Variants in DOCK3 observed in about 807,000 individuals in gnomAD.
DOCK3 encodes the protein dedicator of cytokinesis protein 3.
A neutral mutation model predicts 265.6 loss-of-function variants in DOCK3; 60 were observed. The observed-to-expected ratio is 0.23, with a 90% CI of 0.18 to 0.28. The LOEUF is 0.28. Ranked by LOEUF, DOCK3 falls within the 10% of genes least tolerant of loss-of-function variation. The pLI, the probability that DOCK3 is intolerant of heterozygous loss-of-function variation, is 1.00. For synonymous variants in DOCK3, 881 were observed against 938.0 expected (o/e 0.94, Z 1.11); for missense variants, 1,981 against 2,594.3 (o/e 0.76, Z 5.14).
chr3:51,110,642 C>T (rs564802916), intron 9 of DOCK3, among the ~76,000 whole-genome samples: 2 of 152,314 alleles, frequency 1.3e-5, no homozygotes, highest in South Asian at 2.1e-4. Context: ...AACATTTCTT[C>T]ATGTTAAAAA....
At position 50,873,491 on chromosome 3, in the gene DOCK3, A is replaced by G. The variant is rs9849728; in HGVS notation, c.163-16535A>G. Among the ~76,000 whole-genome samples the G allele has an allele frequency of 3.5e-3, 526 of 152,236 alleles. 4 individuals are homozygous for G. Among genetic ancestry groups the G allele is most frequent in the African/African-American group, 0.012 (507 of 41,536 alleles). ...AAGGAAGGGGTCTGTTGGAGCTGCA[A>G]GCTGTACAGCCTGGGGTTAAGGGAG... On this transcript the variant is annotated intron_variant, in intron 3 of 52. Coordinates refer to ENST00000266037, the MANE Select transcript of DOCK3 (RefSeq NM_004947.5).
chr3:50,928,928 A>G (rs1345459862), intron 4 of DOCK3, among the ~76,000 whole-genome samples: 1 of 152,172 alleles, frequency 6.6e-6, no homozygotes, highest in Non-Finnish European at 1.5e-5. Context: ...AATATTTAGC[A>G]CTTTACTATA....
intron 19 of DOCK3, among the ~76,000 whole-genome samples, chr3:51,233,154 G>C (rs760824041): frequency 6.6e-6 from 1 of 152,062 alleles, no homozygotes; most frequent in Non-Finnish European, 1.5e-5. Flanking sequence ...TTCTAATTCT[G>C]GGAAAAATTA....
At chr3:51,052,596 C>T (rs1376992057) in intron 5 of DOCK3, among the ~76,000 whole-genome samples, 2 of 152,214 alleles carry the variant, frequency 1.3e-5, no homozygotes, top group African/African-American at 4.8e-5. Context: ...CTTGGAATTT[C>T]AGCTCTTTTC....
chr3:50,837,000 T>A (rs1247181237), intron 2 of DOCK3, among the ~76,000 whole-genome samples: 4 of 152,154 alleles, frequency 2.6e-5, no homozygotes, highest in African/African-American at 9.7e-5. Flanking sequence ...TGAGACCACC[T>A]CAGCCTGGAC....
At chr3:50,837,514 A>G (rs949471420) in intron 2 of DOCK3, among the ~76,000 whole-genome samples, 6 of 152,138 alleles carry the variant, frequency 3.9e-5, no homozygotes, top group Non-Finnish European at 8.8e-5. Context: ...TGAGAACAGC[A>G]TGGGGGTAAC....
intron 35 of DOCK3, among the ~76,000 whole-genome samples, chr3:51,334,179 T>C (rs1410676499): frequency 2.0e-5 from 3 of 152,190 alleles, no homozygotes; most frequent in African/African-American, 4.8e-5. Flanking sequence ...GTCTGCCTTC[T>C]CAGTTGTATC....
intron 5 of DOCK3, among the ~76,000 whole-genome samples, chr3:51,020,901 A>T (rs766672819): frequency 2.0e-5 from 3 of 151,828 alleles, no homozygotes; most frequent in Non-Finnish European, 4.4e-5. Context: ...GTCAAGTAGC[A>T]TAATGCCTGC....
At chr3:51,252,572 C>G (rs1416368250) in intron 22 of DOCK3, among the ~76,000 whole-genome samples, 1 of 152,126 alleles carries the variant, frequency 6.6e-6, no homozygotes, top group East Asian at 1.9e-4. Context: ...TGAAGAGGTC[C>G]TTCGCATCCC....
chr3:51,185,159 T>G (rs1438686393), intron 12 of DOCK3, among the ~76,000 whole-genome samples: 1 of 152,132 alleles, frequency 6.6e-6, no homozygotes, highest in Non-Finnish European at 1.5e-5. Flanking sequence ...GATACTAGGT[T>G]AAAACTAAGA....
chr3:51,054,667 A>G (rs56962519), intron 5 of DOCK3, among the ~76,000 whole-genome samples: 1 of 152,026 alleles, frequency 6.6e-6, no homozygotes, highest in African/African-American at 2.4e-5. Context: ...ATTGGATTGC[A>G]TTACCTTTTC....
intron 5 of DOCK3, among the ~76,000 whole-genome samples, chr3:51,032,953 C>G (rs1054443398): frequency 6.6e-6 from 1 of 152,154 alleles, no homozygotes; most frequent in African/African-American, 2.4e-5. Flanking sequence ...TCAAAATAAG[C>G]TCCATCAAGT....
At chr3:50,701,799 C>T (rs1012133280) in intron 1 of DOCK3, among the ~76,000 whole-genome samples, 4 of 152,168 alleles carry the variant, frequency 2.6e-5, no homozygotes, top group African/African-American at 9.7e-5. Context: ...CCAGTTTTCT[C>T]AGCACCATTT....
At chr3:51,252,135 T>A (rs1245747584) in intron 22 of DOCK3, among the ~76,000 whole-genome samples, 1 of 152,228 alleles carries the variant, frequency 6.6e-6, no homozygotes, top group East Asian at 1.9e-4. Flanking sequence ...TCCCCATTTC[T>A]TGTTTTTGTC....
chr3:50,949,177 A>C (rs1312950894), intron 5 of DOCK3, among the ~76,000 whole-genome samples: 1 of 152,190 alleles, frequency 6.6e-6, no homozygotes, highest in African/African-American at 2.4e-5. Context: ...TTTGGACTCT[A>C]TAAAAAAAAA....
intron 5 of DOCK3, among the ~76,000 whole-genome samples, chr3:50,981,412 A>G (rs6446241): frequency 0.97 from 147,426 of 152,328 alleles, 71,544 homozygotes; most frequent in Middle Eastern, 1. Flanking sequence ...GTACTGATGA[A>G]AAGAAAGTGT....
chr3:50,786,927 A>AT (rs1325990147), intron 2 of DOCK3: 3 of 738,348 alleles, frequency 4.1e-6, no homozygotes, highest in Non-Finnish European at 7.7e-6. Context: ...CATTTGAATG[A>AT]TTTTCCACAG....
At chr3:51,285,303 G>C (rs2081346854) in intron 27 of DOCK3, among the ~76,000 whole-genome samples, 1 of 151,940 alleles carries the variant, frequency 6.6e-6, no homozygotes. Flanking sequence ...AAATAAATAG[G>C]AGTATATTTC....
At chr3:51,009,271 A>G (rs972872637) in intron 5 of DOCK3, among the ~76,000 whole-genome samples, 3 of 152,242 alleles carry the variant, frequency 2.0e-5, no homozygotes, top group Middle Eastern at 6.8e-3. Flanking sequence ...TTGGTAGTCT[A>G]TTAATTATTG....
Sources: gnomAD v4.1 joint callset for allele counts (sites outside exome capture counted in the v4.1 genomes callset) on GRCh38, gnomAD v4.1.1 for gene constraint, MANE v1.5 for transcripts, NCBI Gene and HGNC (gene_info 2026-07-23, HGNC 2026-07-21) for gene names.